SMARCB1: variants seen among roughly 807,000 people sequenced by gnomAD.
The protein encoded by SMARCB1 is SWI/SNF related BAF chromatin remodeling complex subunit B1.
A neutral mutation model predicts 49.0 loss-of-function variants in SMARCB1; 5 were observed. The observed-to-expected ratio is 0.10, with a 90% CI of 0.05 to 0.21. The LOEUF (loss-of-function observed/expected upper bound fraction) is 0.21, where lower values mean the gene tolerates loss of function less well. Among genes scored for constraint, SMARCB1 ranks in the 10% least tolerant of loss-of-function variants. SMARCB1 has a pLI of 1.00. For missense variants in SMARCB1, 226 were observed against 509.2 expected (o/e 0.44, Z 5.35); for synonymous variants, 201 against 200.1 (o/e 1.00, Z -0.04).
At chr22:23,790,309 CTA>C (rs1442846653) in intron 1 of SMARCB1, among the ~76,000 whole-genome samples, 1 of 152,198 alleles carries the variant, frequency 6.6e-6, no homozygotes, top group African/African-American at 2.4e-5. Context: ...TCTGTGCCCT[CTA>C]TGTGGAAAGC....
At chr22:23,807,834 GC>G (rs1568945956) in intron 5 of SMARCB1, among the ~76,000 whole-genome samples, 1 of 141,466 alleles carries the variant, frequency 7.1e-6, no homozygotes, top group African/African-American at 2.6e-5. Flanking sequence ...TTGCTCTGTC[GC>G]CCAGGCTGGA....
At position 23,787,277 on chromosome 22, in the gene SMARCB1, G is replaced by A. The variant is rs1420863719; in HGVS notation, c.93+15G>A. 12 of 1,523,284 alleles carry A rather than the reference G, an allele frequency of 7.9e-6. No homozygotes were observed. Among genetic ancestry groups the A allele is most frequent in the Non-Finnish European group, 1.1e-5 (12 of 1,108,704 alleles). 94.4% of individuals were successfully genotyped at this position (1,523,284 alleles called of 1,614,324 possible). On this transcript the variant is annotated intron_variant, in intron 1 of 8. Transcript: ENST00000644036. ...TCGGCTCCGAGGTAGCCCGGGGCGC[G>A]TTCTCGCCCTCCCCGGGCTCGGCCC...
chr22:23,808,431 AT>A (rs1000760221), intron 5 of SMARCB1, among the ~76,000 whole-genome samples: 1 of 151,796 alleles, frequency 6.6e-6, no homozygotes, highest in Non-Finnish European at 1.5e-5. Context: ...AATTTTTTGT[AT>A]TTTTTAGTAG....
rs1054279165 is a variant in SMARCB1 at position 23,834,684 on chromosome 22, G to A, written c.*504G>A. 43 of 1,207,134 alleles carry A rather than the reference G, an allele frequency of 3.6e-5. No individual in the cohort carries two copies. Among genetic ancestry groups the A allele is most frequent in the African/African-American group, 9.1e-5 (6 of 65,656 alleles). The allele number at this position is 1,207,134 out of a possible 1,614,324, so 74.8% of individuals were successfully genotyped here. ...GGCAGGTGGGGGTGAATGGGGCTCC[G>A]GGTAGCACCTCAGCTCCTCTCAGCT... is the stretch of plus-strand genomic sequence containing the variant. On this transcript the variant is annotated 3_prime_UTR_variant, in exon 9 of 9. Transcript: ENST00000644036.
chr22:23,832,890 C>A (rs9612482), intron 7 of SMARCB1, among the ~76,000 whole-genome samples: 18,826 of 152,222 alleles, frequency 0.12, 1,254 homozygotes, highest in South Asian at 0.27. Context: ...AGGAAGGTAC[C>A]TCGGGGCAGA....
At chr22:23,832,017 A>G (rs1206942346) in intron 7 of SMARCB1, among the ~76,000 whole-genome samples, 1 of 152,212 alleles carries the variant, frequency 6.6e-6, no homozygotes, top group African/African-American at 2.4e-5. Context: ...GTGAGGGGTC[A>G]GGCCTGCTGC....
intron 4 of SMARCB1, 102 bp from the exon 5 acceptor site, chr22:23,803,193 A>G (rs1929275769): frequency 6.6e-7 from 1 of 1,506,782 alleles, no homozygotes; most frequent in South Asian, 1.1e-5. Flanking sequence ...CATCTTCCCC[A>G]GATGGGTTTG....
intron 5 of SMARCB1, chr22:23,803,980 C>T (rs767747391): frequency 1.8e-5 from 3 of 170,616 alleles, no homozygotes; most frequent in Non-Finnish European, 2.6e-5. Context: ...GGTGTCTAGA[C>T]TGCTTATCCC....
At chr22:23,803,598 A>G in intron 5 of SMARCB1, 176 bp downstream of exon 5, 1 of 761,872 alleles carries the variant, frequency 1.3e-6, no homozygotes, top group East Asian at 2.7e-5. Context: ...GTTGCTGTTC[A>G]CTGTGGATTG....
chr22:23,787,274 C>T lies in SMARCB1; in HGVS notation c.93+12C>T. The stretch of plus-strand genomic sequence containing the variant: ...TGATCGGCTCCGAGGTAGCCCGGGG[C>T]GCGTTCTCGCCCTCCCCGGGCTCGG... On this transcript the variant is annotated intron_variant, in intron 1 of 8. Transcript: ENST00000644036. 3 of 1,538,324 alleles carry T rather than the reference C, an allele frequency of 2.0e-6. No individual in the cohort carries two copies. The highest frequency in any genetic ancestry group is 2.7e-6 in the Non-Finnish European group (3 of 1,121,200).
At chr22:23,828,842 G>A (rs976146677) in intron 7 of SMARCB1, among the ~76,000 whole-genome samples, 9 of 152,300 alleles carry the variant, frequency 5.9e-5, no homozygotes, top group South Asian at 2.1e-4. Flanking sequence ...ACATGTGTGT[G>A]CAAGGCCACT....
intron 5 of SMARCB1, 92 bp from the exon 6 acceptor site, chr22:23,816,678 T>C: frequency 8.3e-7 from 1 of 1,202,126 alleles, no homozygotes; most frequent in Non-Finnish European, 1.2e-6. Flanking sequence ...CATCCGGAGA[T>C]GTTTGGCTTC....
chr22:23,795,789 CTTT>C (rs1237100249), intron 3 of SMARCB1, among the ~76,000 whole-genome samples: 3 of 133,950 alleles, frequency 2.2e-5, no homozygotes, highest in Admixed American at 7.6e-5. Flanking sequence ...GCTGGAGGTG[CTTT>C]TTTTTTTTTT....
At chr22:23,788,980 G>A (rs1195331629) in intron 1 of SMARCB1, among the ~76,000 whole-genome samples, 1 of 151,936 alleles carries the variant, frequency 6.6e-6, no homozygotes, top group African/African-American at 2.4e-5. Flanking sequence ...CTCCCAAGTA[G>A]CTGGGACTAC....
chr22:23,814,177 T>A (rs1465348901), intron 5 of SMARCB1, among the ~76,000 whole-genome samples: 1 of 152,124 alleles, frequency 6.6e-6, no homozygotes, highest in Non-Finnish European at 1.5e-5. Flanking sequence ...CTACCCAATC[T>A]CAAGGCTTAC....
Position 23,837,730 on chromosome 22 carries a change from G to T in SMARCB1, c.*3550G>T. ...CATGAGCGCCCAAGGCAGGAACGGT[G>T]CCTGGAAAGTGAGCAGGCCGAAGAA... On this transcript the variant is annotated 3_prime_UTR_variant, in exon 9 of 9. Coordinates refer to ENST00000644036, the MANE Select transcript of SMARCB1 (RefSeq NM_003073.5). 1.2e-6 allele frequency: 2 copies of T among 1,614,016 alleles called. No homozygotes were observed. The highest frequency in any genetic ancestry group is 1.7e-6 in the Non-Finnish European group (2 of 1,180,008).
intron 7 of SMARCB1, among the ~76,000 whole-genome samples, chr22:23,828,641 C>G (rs1282975325): frequency 6.6e-6 from 1 of 152,108 alleles, no homozygotes; most frequent in Non-Finnish European, 1.5e-5. Flanking sequence ...CAGAGCTAGA[C>G]TCCATCTCAA....
rs564839636 is a variant in SMARCB1 at position 23,835,373 on chromosome 22, T to A, written c.*1193T>A. Reference sequence around the variant, plus strand: ...ACAGACTGCTGCCACCCTCAGCTGTTGGCAGGTCCCATGCTGCCAGGGCAG... The same window carrying A: ...ACAGACTGCTGCCACCCTCAGCTGTAGGCAGGTCCCATGCTGCCAGGGCAG... On this transcript the variant is annotated 3_prime_UTR_variant, in exon 9 of 9. Transcript: ENST00000644036. The A allele has an allele frequency of 3.0e-6, 3 of 990,204 alleles. No homozygotes were observed. The highest frequency in any genetic ancestry group is 6.1e-5 in the Admixed American group (1 of 16,394). 61.3% of individuals were successfully genotyped at this position (990,204 alleles called of 1,614,324 possible).
At position 23,830,649 on chromosome 22, in the gene SMARCB1, C is replaced by CTT. The variant is rs56800497; in HGVS notation, c.987-2891_987-2890dup. ...TTCATTTTGATGTAGTCCAATTTAT[C>CTT]TTTTTTTTTTTTTTTTTTTTTTTTT... On this transcript the variant is annotated intron_variant, in intron 7 of 8. Transcript: ENST00000644036. 2.9e-3 allele frequency among the ~76,000 whole-genome samples: 272 copies of CTT among 95,350 alleles called. 11 individuals are homozygous for CTT. Among genetic ancestry groups the CTT allele is most frequent in the African/African-American group, 5.7e-3 (109 of 19,182 alleles). 62.6% of individuals were successfully genotyped at this position (95,350 alleles called of 152,430 possible). A position where few individuals can be genotyped will look rare whatever the true frequency, so the allele number is the denominator to read the frequency against.
Sources: allele counts gnomAD v4.1 joint callset (sites outside exome capture counted in the v4.1 genomes callset), GRCh38; gene constraint gnomAD v4.1.1; transcripts MANE v1.5; gene names NCBI Gene and HGNC (gene_info 2026-07-23, HGNC 2026-07-21).